The following OSCP1 variants were observed in gnomAD, a reference collection of about 807,000 sequenced individuals.
OSCP1 encodes organic solute carrier partner 1.
Under a neutral mutation model 45.1 loss-of-function variants are expected in OSCP1, and 35 were observed. The observed-to-expected ratio is 0.78, with a 90% CI of 0.59 to 1.03. The LOEUF is 1.03. Among genes scored for constraint, OSCP1 ranks in the 50% least tolerant of loss-of-function variants. The pLI is 0.00. For synonymous variants in OSCP1, 179 were observed against 180.1 expected, an observed-to-expected ratio of 0.99 and a Z score of 0.05; for missense variants, 400 against 470.7, an observed-to-expected ratio of 0.85 and a Z score of 1.39.
chr1:36,432,622 A>T (rs1184893489), intron 2 of OSCP1, 33 bp from the exon 3 acceptor site: 1 of 1,613,280 alleles, frequency 6.2e-7, no homozygotes, highest in East Asian at 2.2e-5. Flanking sequence ...AAGAAATGGG[A>T]TCATATCAAA....
At chr1:36,438,242 G>A (rs939709398) in intron 2 of OSCP1, among the ~76,000 whole-genome samples, 4 of 151,248 alleles carry the variant, frequency 2.6e-5, no homozygotes, top group Admixed American at 6.6e-5. Flanking sequence ...GCTTGAACCC[G>A]GGAGGCGGAC....
At chr1:36,445,133 T>G (rs541728865) in intron 1 of OSCP1, among the ~76,000 whole-genome samples, 1 of 152,328 alleles carries the variant, frequency 6.6e-6, no homozygotes, top group Admixed American at 6.5e-5. Flanking sequence ...GCGGATCACC[T>G]GAGGTCAGGA....
rs1489929867 is a variant in OSCP1 at position 36,447,139 on chromosome 1, G to A, written c.112+3119C>T. On this transcript the variant is annotated intron_variant, in intron 1 of 9. Coordinates refer to ENST00000235532, the MANE Select transcript of OSCP1 (RefSeq NM_145047.5). This position sits in a 1 kb window ranked among gnomAD's most constrained non-coding sequence, Gnocchi z 4.1. ...AGAGGACTAGTTTACCAAGTCTAGT[G>A]TTTTATAGGCTCCTGTGTACAGGGA... 1.3e-5 allele frequency among the ~76,000 whole-genome samples: 2 copies of A among 152,166 alleles called. No homozygotes were observed. The highest frequency in any genetic ancestry group is 4.8e-5 in the African/African-American group (2 of 41,432).
At chr1:36,425,779 A>C (rs1352344441) in intron 4 of OSCP1, among the ~76,000 whole-genome samples, 1 of 152,122 alleles carries the variant, frequency 6.6e-6, no homozygotes, top group Non-Finnish European at 1.5e-5. Flanking sequence ...CTATGTGCTC[A>C]ATAAATGGTA....
intron 2 of OSCP1, among the ~76,000 whole-genome samples, chr1:36,437,349 C>T (rs1648813883): frequency 6.6e-6 from 1 of 151,784 alleles, no homozygotes; most frequent in East Asian, 1.9e-4. Context: ...ATCACAGCAT[C>T]CCAATACTTT....
chr1:36,441,640 T>A (rs1649166051), intron 1 of OSCP1, among the ~76,000 whole-genome samples: 1 of 145,154 alleles, frequency 6.9e-6, no homozygotes, highest in African/African-American at 2.6e-5. Context: ...CAGTCCCAGC[T>A]ACCGGGAGGC....
intron 9 of OSCP1, chr1:36,418,509 C>T: frequency 1.9e-6 from 1 of 534,264 alleles, no homozygotes; most frequent in Non-Finnish European, 3.3e-6. Context: ...AGTTAAGAAA[C>T]AACTTTAATT....
At chr1:36,419,139 AC>A in intron 8 of OSCP1, 85 bp from the exon 9 acceptor site, 5 of 1,264,506 alleles carry the variant, frequency 4.0e-6, no homozygotes, top group Non-Finnish European at 5.8e-6. Context: ...TCAGTTGGCA[AC>A]CTATTTTTTC....
rs200043573 is a variant in OSCP1, at chr1:36,429,535, A to ATTTTTTTTTTTTTTTTT, written c.516+2250_516+2266dup. 1.3e-3 allele frequency among the ~76,000 whole-genome samples: 135 copies of ATTTTTTTTTTTTTTTTT among 100,306 alleles called. 19 individuals are homozygous for ATTTTTTTTTTTTTTTTT. The highest frequency in any genetic ancestry group is 5.0e-3 in the African/African-American group (120 of 23,894). 65.8% of individuals were successfully genotyped at this position (100,306 alleles called of 152,430 possible). A position where few individuals can be genotyped will look rare whatever the true frequency, so the allele number is the denominator to read the frequency against. ...CACATTCAAAATTCAGAAGCTTAGA[A>ATTTTTTTTTTTTTTTTT]TTTTTTTTTTTTTTTTTTTTTTTTT... On this transcript the variant is annotated intron_variant, in intron 4 of 9. Transcript: ENST00000235532.
chr1:36,427,475 C>T (rs1236253846), intron 4 of OSCP1, among the ~76,000 whole-genome samples: 1 of 150,960 alleles, frequency 6.6e-6, no homozygotes, highest in Non-Finnish European at 1.5e-5. Context: ...AATATTATCA[C>T]GCCCAGCTAA....
intron 4 of OSCP1, among the ~76,000 whole-genome samples, chr1:36,431,194 A>C (rs56835289): frequency 0.1 from 15,520 of 152,112 alleles, 942 homozygotes; most frequent in East Asian, 0.29. Context: ...TCTGGAGGGC[A>C]GGGGTGGGGC....
At chr1:36,432,267 A>C (rs1284463312) in intron 3 of OSCP1, among the ~76,000 whole-genome samples, 155 bp downstream of exon 3, 1 of 152,152 alleles carries the variant, frequency 6.6e-6, no homozygotes, top group Non-Finnish European at 1.5e-5. Context: ...TTACATTACC[A>C]AAATGGACAC....
intron 9 of OSCP1, 75 bp from the exon 10 acceptor site, chr1:36,418,330 T>A: frequency 7.5e-7 from 1 of 1,331,936 alleles, no homozygotes; most frequent in Non-Finnish European, 1.1e-6. Flanking sequence ...ACTAGGCACT[T>A]AGTTTTTTGT....
intron 8 of OSCP1, among the ~76,000 whole-genome samples, chr1:36,420,142 ATTTT>A (rs879625733): frequency 7.2e-6 from 1 of 138,492 alleles, no homozygotes; most frequent in African/African-American, 2.8e-5. Flanking sequence ...CACCCAGCTA[ATTTT>A]TTTTTTTTTT....
intron 3 of OSCP1, 81 bp from the exon 4 acceptor site, chr1:36,431,963 A>G: frequency 1.6e-6 from 2 of 1,281,178 alleles, no homozygotes; most frequent in Non-Finnish European, 2.2e-6. Context: ...ATGGGTACTC[A>G]GGGATGGGAG....
At chr1:36,425,136 G>A (rs1313223306) in intron 4 of OSCP1, among the ~76,000 whole-genome samples, 1 of 147,590 alleles carries the variant, frequency 6.8e-6, no homozygotes, top group African/African-American at 2.5e-5. Context: ...TCATGCCACT[G>A]CACTCCAGCC....
At chr1:36,425,087 C>T (rs1255843116) in intron 4 of OSCP1, among the ~76,000 whole-genome samples, 1 of 151,362 alleles carries the variant, frequency 6.6e-6, no homozygotes, top group South Asian at 2.1e-4. Flanking sequence ...GCACGAGAAT[C>T]GCTTGAACCC....
chr1:36,432,260 C>T (rs931743571), intron 3 of OSCP1, among the ~76,000 whole-genome samples, 162 bp downstream of exon 3: 2 of 152,168 alleles, frequency 1.3e-5, no homozygotes, highest in Non-Finnish European at 2.9e-5. Flanking sequence ...ATGCCTGTTA[C>T]ATTACCAAAA....
rs1467442850 is a variant in OSCP1, at chr1:36,431,052, G to A, written c.516+750C>T. Among the ~76,000 whole-genome samples the A allele has an allele frequency of 2.0e-5, 3 of 152,200 alleles. No homozygotes were observed. The East Asian group carries it at 5.8e-4, about 29-fold the overall frequency. On this transcript the variant is annotated intron_variant, in intron 4 of 9. Coordinates refer to ENST00000235532, the MANE Select transcript of OSCP1 (RefSeq NM_145047.5). ...GTCAAGTGAGTAGGAGAATGGTGGT[G>A]GTGCCCTCAAAAGAAATGAGAAAGT...
Sources: gnomAD v4.1 joint callset for allele counts (sites outside exome capture counted in the v4.1 genomes callset) on GRCh38, gnomAD v4.1.1 for gene constraint, Gnocchi (gnomAD v3.1) non-coding constraint, MANE v1.5 for transcripts, NCBI Gene and HGNC (gene_info 2026-07-23, HGNC 2026-07-21) for gene names.